PDE7A: variants seen among roughly 807,000 people sequenced by gnomAD.
PDE7A encodes the protein phosphodiesterase 7A, also known as high affinity 3',5'-cyclic-AMP phosphodiesterase 7A.
PDE7A carries 39 observed loss-of-function variants against 64.3 expected under a neutral mutation model. That is an observed-to-expected ratio of 0.61 (90% CI 0.47 to 0.79). The LOEUF is 0.79. Among genes scored for constraint, PDE7A ranks in the 30% least tolerant of loss-of-function variants. PDE7A has a pLI of 0.00. For synonymous variants in PDE7A, 203 were observed against 206.8 expected (o/e 0.98, Z 0.16); for missense variants, 470 against 582.8 (o/e 0.81, Z 1.99).
At chr8:65,762,837 C>T (rs1270850110) in intron 3 of PDE7A, among the ~76,000 whole-genome samples, 4 of 151,920 alleles carry the variant, frequency 2.6e-5, no homozygotes, top group African/African-American at 9.7e-5. Context: ...AATCTCATTA[C>T]CATAAAACAA....
At chr8:65,824,142 C>T (rs1289880171) in intron 1 of PDE7A, among the ~76,000 whole-genome samples, 2 of 152,198 alleles carry the variant, frequency 1.3e-5, no homozygotes, top group Non-Finnish European at 1.5e-5. Flanking sequence ...CCAACTGCAT[C>T]TGCTCACTTC....
In PDE7A at chr8:65,727,096, T is replaced by C. The variant is rs1806642972; in HGVS notation, c.828+74A>G. Reference sequence around the variant, plus strand: ...TTCATTGAGAATTTATTTTCATTACTTTCATTTCTTCAAAATATGAAAGAT... The same window carrying C: ...TTCATTGAGAATTTATTTTCATTACCTTCATTTCTTCAAAATATGAAAGAT... On this transcript the variant is annotated intron_variant, in intron 8 of 12. Coordinates refer to ENST00000401827, the MANE Select transcript of PDE7A (RefSeq NM_001242318.3). 3 of 1,081,948 alleles carry C rather than the reference T, an allele frequency of 2.8e-6. No individual in the cohort carries two copies. In the Admixed American group the frequency reaches 6.0e-5, roughly 21 times the overall value. The allele number at this position is 1,081,948 out of a possible 1,614,324, so 67.0% of individuals were successfully genotyped here.
chr8:65,791,443 T>C (rs994430039), intron 1 of PDE7A, among the ~76,000 whole-genome samples: 2 of 152,204 alleles, frequency 1.3e-5, no homozygotes. Context: ...AACCTAGAAA[T>C]GAGAATGCCC....
chr8:65,807,054 C>A (rs549491292), intron 1 of PDE7A, among the ~76,000 whole-genome samples: 14 of 152,306 alleles, frequency 9.2e-5, no homozygotes, highest in African/African-American at 3.1e-4. Context: ...TTTCAAATCA[C>A]TTTGTCAATT....
At chr8:65,773,683 C>T (rs1809176554) in intron 3 of PDE7A, among the ~76,000 whole-genome samples, 1 of 152,016 alleles carries the variant, frequency 6.6e-6, no homozygotes. Flanking sequence ...GGTCTTCCTT[C>T]TCTTGTCTTT....
Position 65,764,553 on chromosome 8 carries a change from G to A in PDE7A, c.283+15167C>T, listed in dbSNP as rs1808672667. Among the ~76,000 whole-genome samples, 3 of 152,196 alleles carry A rather than the reference G, an allele frequency of 2.0e-5. No homozygotes were observed. In the South Asian group the frequency reaches 6.2e-4, roughly 31 times the overall value. On this transcript the variant is annotated intron_variant, in intron 3 of 12. Transcript: ENST00000401827. ...AGAAAGCTGCATGGCTGAGGGAAAT[G>A]CTGAGCAAACTATTTGTACACCTAA...
chr8:65,806,410 TAAA>T (rs1351704105), intron 1 of PDE7A, among the ~76,000 whole-genome samples: 1 of 152,148 alleles, frequency 6.6e-6, no homozygotes, highest in African/African-American at 2.4e-5. Context: ...TTTGAGGTGA[TAAA>T]AAAGTGCTGG....
rs1406280311 is a variant in PDE7A at position 65,718,829 on chromosome 8, G to A, written c.*461C>T. On this transcript the variant is annotated 3_prime_UTR_variant, in exon 13 of 13. Transcript: ENST00000401827. ...TTTTCAGAGTTGATTTGTAAACATT[G>A]TCTTGCCAGAGGCAGCAGAGGCTGG... The A allele has an allele frequency of 6.1e-6, 1 of 163,022 alleles. No homozygotes were observed. Among genetic ancestry groups the A allele is most frequent in the Non-Finnish European group, 1.4e-5 (1 of 73,684 alleles). The allele number at this position is 163,022 out of a possible 1,614,324, so 10.1% of individuals were successfully genotyped here.
intron 6 of PDE7A, among the ~76,000 whole-genome samples, chr8:65,738,429 C>A (rs1013235513): frequency 1.3e-5 from 2 of 152,118 alleles, no homozygotes; most frequent in African/African-American, 4.8e-5. Flanking sequence ...CTCCTATCCA[C>A]CTAAAGGACG....
At chr8:65,792,580 T>C (rs1233521434) in intron 1 of PDE7A, among the ~76,000 whole-genome samples, 1 of 152,194 alleles carries the variant, frequency 6.6e-6, no homozygotes, top group Non-Finnish European at 1.5e-5. Context: ...TGGAATCCCA[T>C]GGACAGAAAT....
At chr8:65,813,317 T>TA (rs972354614) in intron 1 of PDE7A, among the ~76,000 whole-genome samples, 32 of 151,036 alleles carry the variant, frequency 2.1e-4, no homozygotes, top group Non-Finnish European at 3.3e-4. Flanking sequence ...AAAGTACTAT[T>TA]AAAAAAAAAT....
intron 1 of PDE7A, among the ~76,000 whole-genome samples, chr8:65,799,837 A>T (rs1261805592): frequency 6.6e-6 from 1 of 152,224 alleles, no homozygotes; most frequent in Non-Finnish European, 1.5e-5. Flanking sequence ...TCACAGACAG[A>T]AAAGGACTGG....
At chr8:65,747,006 T>A (rs1047608684) in intron 4 of PDE7A, among the ~76,000 whole-genome samples, 2 of 152,304 alleles carry the variant, frequency 1.3e-5, no homozygotes, top group Admixed American at 1.3e-4. Flanking sequence ...AAAAACAAGC[T>A]CATTTAACCC....
intron 3 of PDE7A, among the ~76,000 whole-genome samples, chr8:65,768,981 C>G (rs571659630): frequency 1.1e-4 from 17 of 152,274 alleles, no homozygotes; most frequent in Non-Finnish European, 1.5e-4. Context: ...GGCGAGGTGG[C>G]TCACACCTGT....
chr8:65,839,236 G>T (rs1402302459), intron 1 of PDE7A, among the ~76,000 whole-genome samples: 1 of 151,410 alleles, frequency 6.6e-6, no homozygotes, highest in South Asian at 2.1e-4. Flanking sequence ...AAAAAAAAGG[G>T]TTTTTTTTCC....
At chr8:65,782,696 GCTAT>G in intron 2 of PDE7A, 83 bp downstream of exon 2, 1 of 701,312 alleles carries the variant, frequency 1.4e-6, no homozygotes, top group Non-Finnish European at 2.5e-6. Flanking sequence ...GTGATGAAAA[GCTAT>G]CTAATGAAAG....
chr8:65,832,618 G>T (rs1208885202), intron 1 of PDE7A, among the ~76,000 whole-genome samples: 2 of 152,088 alleles, frequency 1.3e-5, no homozygotes, highest in African/African-American at 4.8e-5. Flanking sequence ...CAGCTTAGCT[G>T]GGACTACAAG....
chr8:65,777,820 A>G (rs910990009), intron 3 of PDE7A, among the ~76,000 whole-genome samples: 1 of 152,104 alleles, frequency 6.6e-6, no homozygotes, highest in Non-Finnish European at 1.5e-5. Flanking sequence ...CATTACTTTT[A>G]ATTCTTTGTC....
At chr8:65,746,397 T>C (rs760046110) in intron 4 of PDE7A, among the ~76,000 whole-genome samples, 3 of 152,178 alleles carry the variant, frequency 2.0e-5, no homozygotes, top group Admixed American at 6.5e-5. Context: ...TTATTTGTTA[T>C]TCAGTTTTTA....
Sources: gnomAD v4.1 joint callset for allele counts (sites outside exome capture counted in the v4.1 genomes callset) on GRCh38, gnomAD v4.1.1 for gene constraint, MANE v1.5 for transcripts, NCBI Gene and HGNC (gene_info 2026-07-23, HGNC 2026-07-21) for gene names.